The following SLC16A10 variants were observed in gnomAD, a reference collection of about 807,000 sequenced individuals.
SLC16A10 encodes monocarboxylate transporter 10.
SLC16A10 carries 27 observed loss-of-function variants against 40.0 expected under a neutral mutation model. The ratio of observed to expected loss-of-function variants is 0.67; its 90% confidence interval spans 0.50 to 0.93. The LOEUF (loss-of-function observed/expected upper bound fraction) is 0.93. Among genes scored for constraint, SLC16A10 ranks in the 40% least tolerant of loss-of-function variants. The pLI, the probability that SLC16A10 is intolerant of heterozygous loss-of-function variation, is 0.00. For synonymous variants in SLC16A10, 213 were observed against 249.8 expected, an observed-to-expected ratio of 0.85 and a Z score of 1.39; for missense variants, 529 against 658.2, an observed-to-expected ratio of 0.80 and a Z score of 2.15.
intron 1 of SLC16A10, among the ~76,000 whole-genome samples, chr6:111,163,552 AC>A (rs1206564688): frequency 2.0e-5 from 3 of 152,226 alleles, no homozygotes; most frequent in African/African-American, 7.2e-5. Flanking sequence ...TTAAAATATA[AC>A]CTGAAGAAGA....
intron 3 of SLC16A10, among the ~76,000 whole-genome samples, chr6:111,185,767 G>A (rs1029471565): frequency 1.3e-5 from 2 of 152,152 alleles, no homozygotes; most frequent in Non-Finnish European, 2.9e-5. Flanking sequence ...AATGGAAAAA[G>A]GTAAACTGCT....
chr6:111,126,609 TTATAA>T (rs1169200267), intron 1 of SLC16A10, among the ~76,000 whole-genome samples: 7 of 152,324 alleles, frequency 4.6e-5, no homozygotes, highest in African/African-American at 1.4e-4. Context: ...TTTTAGGATG[TTATAA>T]TATAATCCAC....
At chr6:111,103,274 A>G (rs1342228365) in intron 1 of SLC16A10, among the ~76,000 whole-genome samples, 1 of 151,856 alleles carries the variant, frequency 6.6e-6, no homozygotes. Flanking sequence ...CTGGAATGCA[A>G]TGGCACGATC....
At chr6:111,134,764 C>T (rs572792520) in intron 1 of SLC16A10, among the ~76,000 whole-genome samples, 29 of 152,188 alleles carry the variant, frequency 1.9e-4, no homozygotes, top group Non-Finnish European at 3.7e-4. Flanking sequence ...CTGTAAGGCC[C>T]ACTGCCCCAG....
chr6:111,185,608 A>G (rs1045988622), intron 3 of SLC16A10, among the ~76,000 whole-genome samples: 1 of 152,202 alleles, frequency 6.6e-6, no homozygotes, highest in African/African-American at 2.4e-5. Context: ...ACAACCTGTG[A>G]CAAGCAGAAC....
At chr6:111,220,589 C>G (rs879474211) in intron 5 of SLC16A10, among the ~76,000 whole-genome samples, 4 of 152,170 alleles carry the variant, frequency 2.6e-5, no homozygotes, top group African/African-American at 4.8e-5. Flanking sequence ...CTGAGCAGAC[C>G]AAATCCAGTT....
At chr6:111,149,804 TTG>T (rs1277396129) in intron 1 of SLC16A10, among the ~76,000 whole-genome samples, 1 of 152,232 alleles carries the variant, frequency 6.6e-6, no homozygotes, top group Non-Finnish European at 1.5e-5. Context: ...TTAACTCTTT[TTG>T]TGCTACTCCT....
intron 3 of SLC16A10, among the ~76,000 whole-genome samples, chr6:111,183,569 A>T (rs2114555978): frequency 6.6e-6 from 1 of 152,268 alleles, no homozygotes; most frequent in Middle Eastern, 3.4e-3. Context: ...TGGATCTTTA[A>T]AATTCTCTAC....
At chr6:111,206,832 TC>T (rs1469565397) in intron 4 of SLC16A10, 97 bp downstream of exon 4, 1 of 1,457,886 alleles carries the variant, frequency 6.9e-7, no homozygotes, top group East Asian at 2.3e-5. Context: ...TTTTTTTCTT[TC>T]CTTTTTCTTT....
intron 1 of SLC16A10, among the ~76,000 whole-genome samples, chr6:111,122,967 A>T (rs1413960854): frequency 6.6e-6 from 1 of 152,168 alleles, no homozygotes; most frequent in Non-Finnish European, 1.5e-5. Context: ...GACTCATTCC[A>T]TTTGGAAAAT....
intron 1 of SLC16A10, among the ~76,000 whole-genome samples, chr6:111,111,625 G>A (rs566830955): frequency 2.2e-4 from 34 of 152,172 alleles, no homozygotes; most frequent in African/African-American, 7.5e-4. Context: ...CCTAATTGTC[G>A]TTATATATCC....
intron 1 of SLC16A10, among the ~76,000 whole-genome samples, chr6:111,126,668 T>C (rs1771681151): frequency 6.6e-6 from 1 of 152,200 alleles, no homozygotes; most frequent in Non-Finnish European, 1.5e-5. Flanking sequence ...TATTTTTCCT[T>C]ACTATAAGCC....
chr6:111,160,424 T>G (rs1356658920), intron 1 of SLC16A10, among the ~76,000 whole-genome samples: 1 of 152,208 alleles, frequency 6.6e-6, no homozygotes, highest in Non-Finnish European at 1.5e-5. Context: ...TTTTTTTAAG[T>G]AGAGACAGGG....
chr6:111,087,946 C>T lies in SLC16A10; in HGVS notation c.194C>T (p.Pro65Leu). The change falls in exon 1 of 6, where the codon CCC (proline) becomes CTC (leucine). Residue 65 changes from proline (P) to leucine (L), a missense_variant. Transcript: ENST00000368851. Reference protein sequence around the residue: ...TAEPHEPPEPPEGGWGWLVML... With the variant: ...TAEPHEPPEPLEGGWGWLVML... Reference sequence around the variant, plus strand: ...GAGCCCCATGAGCCCCCCGAACCCCCCGAGGGCGGCTGGGGCTGGCTGGTG... The same window carrying T: ...GAGCCCCATGAGCCCCCCGAACCCCTCGAGGGCGGCTGGGGCTGGCTGGTG... The T allele has an allele frequency of 6.2e-7, 1 of 1,610,124 alleles. No homozygotes were observed. The highest frequency in any genetic ancestry group is 8.5e-7 in the Non-Finnish European group (1 of 1,178,628).
At chr6:111,141,403 C>T (rs565923010) in intron 1 of SLC16A10, among the ~76,000 whole-genome samples, 6 of 152,278 alleles carry the variant, frequency 3.9e-5, no homozygotes, top group African/African-American at 1.4e-4. Flanking sequence ...TGCCTCACGC[C>T]TGTAATCCCA....
chr6:111,089,922 T>A (rs1246134499), intron 1 of SLC16A10, among the ~76,000 whole-genome samples: 37 of 108,024 alleles, frequency 3.4e-4, no homozygotes, highest in Middle Eastern at 3.9e-3. Flanking sequence ...TTTTTTTTTT[T>A]TTTTTTTTTT....
intron 3 of SLC16A10, among the ~76,000 whole-genome samples, chr6:111,182,144 G>A (rs1308797652): frequency 6.6e-6 from 1 of 151,580 alleles, no homozygotes; most frequent in East Asian, 1.9e-4. Flanking sequence ...GATTACAGGC[G>A]CCTGCCACCA....
At chr6:111,112,186 T>C (rs896576790) in intron 1 of SLC16A10, among the ~76,000 whole-genome samples, 6 of 151,952 alleles carry the variant, frequency 3.9e-5, no homozygotes, top group African/African-American at 1.5e-4. Flanking sequence ...TGCACCACCA[T>C]GCCTGGCTAA....
chr6:111,130,554 C>T (rs1771763272), intron 1 of SLC16A10, among the ~76,000 whole-genome samples: 1 of 152,122 alleles, frequency 6.6e-6, no homozygotes, highest in Admixed American at 6.5e-5. Flanking sequence ...TGTGGAGCTT[C>T]CTTGTGGCTT....
Sources: gnomAD v4.1 joint callset for allele counts (sites outside exome capture counted in the v4.1 genomes callset) on GRCh38, gnomAD v4.1.1 for gene constraint, MANE v1.5 for transcripts, NCBI Gene and HGNC (gene_info 2026-07-23, HGNC 2026-07-21) for gene names.